The following AP3B1 variants were observed in gnomAD, a reference collection of about 807,000 sequenced individuals.
The protein encoded by AP3B1 is AP-3 complex subunit beta-1.
In AP3B1, 61 loss-of-function variants were observed where a neutral mutation model predicts 132.5. The observed-to-expected ratio is 0.46, with a 90% confidence interval of 0.37 to 0.57. AP3B1 has a LOEUF of 0.57. Ranked by LOEUF, AP3B1 falls within the 20% of genes least tolerant of loss-of-function variation. AP3B1 has a pLI of 0.00. For synonymous variants in AP3B1, 388 were observed against 438.3 expected (o/e 0.89, Z 1.43); for missense variants, 1,120 against 1,289.4 (o/e 0.87, Z 2.01).
intron 7 of AP3B1, among the ~76,000 whole-genome samples, chr5:78,187,864 G>A (rs1203675454): frequency 6.6e-6 from 1 of 152,148 alleles, no homozygotes; most frequent in Non-Finnish European, 1.5e-5. Context: ...AAAACAGCAT[G>A]GTACTGGTAC....
intron 14 of AP3B1, among the ~76,000 whole-genome samples, chr5:78,152,886 T>C (rs1753731330): frequency 6.6e-6 from 1 of 152,206 alleles, no homozygotes; most frequent in East Asian, 1.9e-4. Context: ...CTAGTTTTAT[T>C]CCACTCTGGT....
intron 22 of AP3B1, among the ~76,000 whole-genome samples, chr5:78,066,898 G>T (rs1049802319): frequency 2.6e-5 from 4 of 152,114 alleles, no homozygotes; most frequent in African/African-American, 9.7e-5. Context: ...AAGAAAAAGT[G>T]TAAGCGCAGC....
intron 21 of AP3B1, among the ~76,000 whole-genome samples, chr5:78,097,019 T>G (rs1580341747): frequency 2.2e-5 from 2 of 90,786 alleles, no homozygotes; most frequent in African/African-American, 5.2e-5. Flanking sequence ...GGTGGGGGGG[T>G]CAGCCCCCCG....
intron 20 of AP3B1, among the ~76,000 whole-genome samples, chr5:78,107,588 G>C (rs150594561): frequency 1.3e-3 from 205 of 152,280 alleles, no homozygotes; most frequent in Middle Eastern, 3.4e-3. Flanking sequence ...TGGGGAAGTG[G>C]ATGCGAGTCT....
At chr5:78,189,898 TAAAA>T (rs1744758209) in intron 7 of AP3B1, among the ~76,000 whole-genome samples, 1 of 142,206 alleles carries the variant, frequency 7.0e-6, no homozygotes, top group Non-Finnish European at 1.5e-5. Context: ...TAAAATAAAA[TAAAA>T]TAAAATAAAA....
intron 2 of AP3B1, among the ~76,000 whole-genome samples, chr5:78,263,416 G>T (rs996541799): frequency 6.6e-5 from 10 of 152,078 alleles, no homozygotes; most frequent in East Asian, 1.9e-4. Flanking sequence ...AATCTTTAGG[G>T]TTTTCTACAT....
At chr5:78,230,466 C>T (rs1032887594) in intron 3 of AP3B1, among the ~76,000 whole-genome samples, 1 of 152,054 alleles carries the variant, frequency 6.6e-6, no homozygotes, top group African/African-American at 2.4e-5. Context: ...AACCTTTTTC[C>T]AATTACTCTT....
intron 13 of AP3B1, among the ~76,000 whole-genome samples, chr5:78,162,279 A>T (rs1743418294): frequency 6.6e-6 from 1 of 152,142 alleles, no homozygotes; most frequent in Admixed American, 6.5e-5. Context: ...AGTTTTACCG[A>T]ACACTTAGAT....
At chr5:78,023,368 G>T (rs1747185317) in intron 24 of AP3B1, among the ~76,000 whole-genome samples, 1 of 152,034 alleles carries the variant, frequency 6.6e-6, no homozygotes, top group Non-Finnish European at 1.5e-5. Context: ...CTTAAGCCCA[G>T]GAGTTTGAGA....
intron 3 of AP3B1, among the ~76,000 whole-genome samples, chr5:78,235,924 A>G (rs1019677099): frequency 6.6e-6 from 1 of 152,222 alleles, no homozygotes; most frequent in African/African-American, 2.4e-5. Flanking sequence ...CTAAAGCAGC[A>G]TGTACTTGTA....
intron 23 of AP3B1, 122 bp downstream of exon 23, chr5:78,038,921 A>G: frequency 1.5e-6 from 1 of 650,276 alleles, no homozygotes; most frequent in Non-Finnish European, 2.6e-6. Flanking sequence ...TGAATATGCT[A>G]ATTGTCAATA....
chr5:78,258,987 C>A (rs1335919426), intron 2 of AP3B1, among the ~76,000 whole-genome samples: 1 of 152,134 alleles, frequency 6.6e-6, no homozygotes, highest in Non-Finnish European at 1.5e-5. Flanking sequence ...CCTGTAATCC[C>A]AGCACTTTGA....
chr5:78,193,744 TTATA>T (rs10602406), intron 7 of AP3B1, among the ~76,000 whole-genome samples: 30,289 of 110,340 alleles, frequency 0.27, 4,244 homozygotes, highest in African/African-American at 0.34. Context: ...ATATATTTTT[TTATA>T]TATATATATA....
At chr5:78,268,419 C>T (rs547930407) in intron 1 of AP3B1, among the ~76,000 whole-genome samples, 6 of 152,016 alleles carry the variant, frequency 3.9e-5, no homozygotes, top group South Asian at 4.2e-4. Flanking sequence ...AAAAAGAATT[C>T]GATAGGAACT....
rs542879439 is a variant in AP3B1, at chr5:78,261,766, T to TTG, written c.204+5753_204+5754insCA. 1.3e-3 allele frequency among the ~76,000 whole-genome samples: 155 copies of TTG among 119,998 alleles called. 1 individual carries two copies. Among genetic ancestry groups the TTG allele is most frequent in the African/African-American group, 4.7e-3 (151 of 31,968 alleles). 78.7% of individuals were successfully genotyped at this position (119,998 alleles called of 152,430 possible). A position where few individuals can be genotyped will look rare whatever the true frequency, so the allele number is the denominator to read the frequency against. On this transcript the variant is annotated intron_variant, in intron 2 of 26. Coordinates refer to ENST00000255194, the MANE Select transcript of AP3B1 (RefSeq NM_003664.5). ...CAGGCATGAGCCACCGGTTGTTGTT[T>TTG]TTTGAGACGCGGTCTCACTCTGCCA...
At chr5:78,215,504 AATT>A (rs1745922997) in intron 7 of AP3B1, among the ~76,000 whole-genome samples, 2 of 152,214 alleles carry the variant, frequency 1.3e-5, no homozygotes, top group Non-Finnish European at 2.9e-5. Flanking sequence ...GCTTCACTTA[AATT>A]ATTAATTTTA....
intron 3 of AP3B1, among the ~76,000 whole-genome samples, chr5:78,235,380 C>T (rs948286514): frequency 6.6e-6 from 1 of 152,150 alleles, no homozygotes; most frequent in Admixed American, 6.5e-5. Flanking sequence ...ATATTGGCAA[C>T]ACTGAAACAT....
intron 7 of AP3B1, among the ~76,000 whole-genome samples, chr5:78,201,258 G>C (rs7724226): frequency 1.3e-5 from 2 of 151,898 alleles, no homozygotes; most frequent in Non-Finnish European, 2.9e-5. Flanking sequence ...AGGTTCTTGC[G>C]GAACCAAAAT....
At chr5:78,038,457 G>C (rs1747900288) in intron 23 of AP3B1, among the ~76,000 whole-genome samples, 1 of 152,078 alleles carries the variant, frequency 6.6e-6, no homozygotes, top group Admixed American at 6.5e-5. Context: ...ATGAGCTAAA[G>C]AAAAAATAAT....
Sources: allele counts gnomAD v4.1 joint callset (sites outside exome capture counted in the v4.1 genomes callset), GRCh38; gene constraint gnomAD v4.1.1; transcripts MANE v1.5; gene names NCBI Gene and HGNC (gene_info 2026-07-23, HGNC 2026-07-21).